Variants in C2orf76 observed in about 807,000 individuals in gnomAD.
C2orf76 encodes the protein chromosome 2 open reading frame 76.
C2orf76 carries 23 observed loss-of-function variants against 16.9 expected under a neutral mutation model. The ratio of observed to expected loss-of-function variants is 1.36; its 90% CI spans 0.98 to 1.93. The LOEUF is 1.93. Ranked by LOEUF, C2orf76 falls within the 30% of genes most tolerant of loss-of-function variation. The probability of loss-of-function intolerance (pLI) is 0.00; values close to 1 mark genes in which losing one functional copy is unlikely to be tolerated. For synonymous variants in C2orf76, 48 were observed against 52.3 expected, an observed-to-expected ratio of 0.92 and a Z score of 0.35; for missense variants, 152 against 152.6, an observed-to-expected ratio of 1.00 and a Z score of 0.02.
intron 1 of C2orf76, among the ~76,000 whole-genome samples, chr2:119,345,247 T>C (rs775435021): frequency 1.3e-5 from 2 of 152,180 alleles, no homozygotes; most frequent in African/African-American, 2.4e-5. Context: ...AAGCCAATAA[T>C]GTGAAAAGAT....
the C2orf76 span, among the ~76,000 whole-genome samples, chr2:119,287,957 A>C: frequency 3.9e-5 from 6 of 152,116 alleles, no homozygotes; most frequent in African/African-American, 1.4e-4. Context: ...GACAGAAATC[A>C]CAGCAGTAGT....
At chr2:119,320,686 T>C (rs1285888776) in intron 3 of C2orf76, among the ~76,000 whole-genome samples, 1 of 152,186 alleles carries the variant, frequency 6.6e-6, no homozygotes, top group African/African-American at 2.4e-5. Context: ...AAATGAAGTC[T>C]CAAATTCAAA....
intron 2 of C2orf76, among the ~76,000 whole-genome samples, chr2:119,327,647 G>T (rs1679551046): frequency 1.3e-5 from 2 of 151,756 alleles, no homozygotes; most frequent in Non-Finnish European, 2.9e-5. Flanking sequence ...CTCTCATATG[G>T]CATGCTATGT....
At chr2:119,284,491 GC>G in the C2orf76 span, among the ~76,000 whole-genome samples, 6 of 152,082 alleles carry the variant, frequency 3.9e-5, no homozygotes, top group Admixed American at 2.0e-4. Flanking sequence ...CACCCATAGA[GC>G]CCCCAAGAGG....
intron 4 of C2orf76, among the ~76,000 whole-genome samples, chr2:119,314,014 GTTT>G (rs368623211): frequency 8.1e-5 from 7 of 86,166 alleles, no homozygotes; most frequent in Non-Finnish European, 1.5e-4. Context: ...TTTCTCAGTG[GTTT>G]TTTTTTTTTT....
upstream of C2orf76, chr2:119,367,043 T>C (rs1681047712): frequency 6.2e-7 from 1 of 1,614,082 alleles, no homozygotes; most frequent in Non-Finnish European, 8.5e-7. Context: ...TTCTTGCAAG[T>C]CGGCCAGGAT....
chr2:119,358,540 T>G (rs1001039584), intron 1 of C2orf76, among the ~76,000 whole-genome samples: 5 of 141,792 alleles, frequency 3.5e-5, no homozygotes, highest in Non-Finnish European at 7.5e-5. Context: ...ACTGCACCAC[T>G]GCACTCCAGC....
Position 119,353,141 on chromosome 2 carries a change from G to A in C2orf76, c.-12-13170C>T, listed in dbSNP as rs151230516. Among the ~76,000 whole-genome samples the A allele has an allele frequency of 2.8e-3, 422 of 152,010 alleles. 3 individuals are homozygous for A. Among genetic ancestry groups the A allele is most frequent in the African/African-American group, 9.6e-3 (399 of 41,442 alleles). ...AATAATCCTTAAGTACAATTAAATA[G>A]CATTCAAATATGTCATTTTATCAAA... On this transcript the variant is annotated intron_variant, in intron 1 of 5. Coordinates refer to ENST00000334816, the MANE Select transcript of C2orf76 (RefSeq NM_001322331.2).
intron 1 of C2orf76, among the ~76,000 whole-genome samples, chr2:119,359,214 A>T (rs1283701725): frequency 6.6e-6 from 1 of 152,196 alleles, no homozygotes. Flanking sequence ...TTTTAAGCCC[A>T]CTGTTGAGAC....
rs150757536 is a variant in C2orf76, at chr2:119,311,919, C to T, written c.223-216G>A. On this transcript the variant is annotated intron_variant, in intron 4 of 5. Coordinates refer to ENST00000334816, the MANE Select transcript of C2orf76 (RefSeq NM_001322331.2). Reference sequence around the variant, plus strand: ...AGTGGGGACAGTTCTGTGGCATGGGCGTGAAGTCAGATCAGGATGCAAATC... The same window carrying T: ...AGTGGGGACAGTTCTGTGGCATGGGTGTGAAGTCAGATCAGGATGCAAATC... 1.5e-3 allele frequency among the ~76,000 whole-genome samples: 233 copies of T among 152,206 alleles called. 1 individual carries two copies. The highest frequency in any genetic ancestry group is 5.5e-3 in the African/African-American group (229 of 41,538).
chr2:119,302,272 T>C lies in C2orf76; in HGVS notation c.*200A>G, dbSNP rs890836581. The C allele has an allele frequency of 3.7e-5, 14 of 379,016 alleles. 1 individual carries two copies. Among genetic ancestry groups the C allele is most frequent in the Non-Finnish European group, 5.7e-5 (12 of 209,148 alleles). The allele number at this position is 379,016 out of a possible 1,614,324, so 23.5% of individuals were successfully genotyped here. A position where few individuals can be genotyped will look rare whatever the true frequency, so the allele number is the denominator to read the frequency against. Reference sequence around the variant, plus strand: ...TCCCTTTAAAAAGATCAAATGTTTTTCTCATAATATATTATTTTACAACAA... The same window carrying C: ...TCCCTTTAAAAAGATCAAATGTTTTCCTCATAATATATTATTTTACAACAA... On this transcript the variant is annotated 3_prime_UTR_variant, in exon 6 of 6. Transcript: ENST00000334816.
At chr2:119,317,195 T>G (rs193068709) in intron 4 of C2orf76, among the ~76,000 whole-genome samples, 1 of 152,354 alleles carries the variant, frequency 6.6e-6, no homozygotes, top group Non-Finnish European at 1.5e-5. Flanking sequence ...CCAAGTTTTA[T>G]GCTTATTTTA....
intron 1 of C2orf76, among the ~76,000 whole-genome samples, chr2:119,354,182 A>T (rs1680492866): frequency 6.6e-6 from 1 of 152,220 alleles, no homozygotes; most frequent in South Asian, 2.1e-4. Flanking sequence ...TTTCAAAAGC[A>T]TATTTTTTTA....
At chr2:119,321,483 C>T (rs1482653136) in intron 2 of C2orf76, among the ~76,000 whole-genome samples, 1 of 152,118 alleles carries the variant, frequency 6.6e-6, no homozygotes, top group Non-Finnish European at 1.5e-5. Context: ...GGAGCAAAGG[C>T]ACATCTAACA....
intron 2 of C2orf76, among the ~76,000 whole-genome samples, chr2:119,326,411 G>A (rs376209823): frequency 1.4e-3 from 215 of 152,226 alleles, no homozygotes; most frequent in African/African-American, 4.8e-3. Context: ...TTCCATTAAC[G>A]TATATGTTTA....
downstream of C2orf76, among the ~76,000 whole-genome samples, chr2:119,300,493 C>T (rs1005831450): frequency 6.6e-6 from 1 of 152,176 alleles, no homozygotes; most frequent in Non-Finnish European, 1.5e-5. Context: ...ACTTGTAAGG[C>T]CTACCTCAAC....
chr2:119,319,800 C>A (rs995587931), intron 3 of C2orf76, among the ~76,000 whole-genome samples: 2 of 152,136 alleles, frequency 1.3e-5, no homozygotes, highest in South Asian at 2.1e-4. Flanking sequence ...CACACTCTTT[C>A]CACTCCCGAA....
At chr2:119,337,447 G>A (rs1385498439) in intron 2 of C2orf76, among the ~76,000 whole-genome samples, 5 of 152,068 alleles carry the variant, frequency 3.3e-5, no homozygotes, top group Non-Finnish European at 7.4e-5. Flanking sequence ...GATGCTGTGA[G>A]GATGAAATGA....
intron 1 of C2orf76, 71 bp from the exon 2 acceptor site, chr2:119,340,042 T>C (rs1679977230): frequency 2.6e-6 from 4 of 1,518,122 alleles, no homozygotes; most frequent in Middle Eastern, 3.5e-4. Context: ...CTAGCCTGCA[T>C]CTCTATCAGC....
Sources: gnomAD v4.1 joint callset for allele counts (sites outside exome capture counted in the v4.1 genomes callset) on GRCh38, gnomAD v4.1.1 for gene constraint, MANE v1.5 for transcripts, NCBI Gene and HGNC (gene_info 2026-07-23, HGNC 2026-07-21) for gene names.